Variants in ARID1B observed in about 807,000 individuals in gnomAD.
ARID1B encodes AT-rich interaction domain 1B, also known as AT-rich interactive domain-containing protein 1B.
ARID1B carries 30 observed loss-of-function variants against 212.3 expected under a neutral mutation model. That is an observed-to-expected ratio of 0.14 (90% CI 0.11 to 0.19). The LOEUF (loss-of-function observed/expected upper bound fraction) is 0.19, where lower values mean the gene tolerates loss of function less well. ARID1B is among the 10% of genes least tolerant of loss of function. The pLI, the probability that ARID1B is intolerant of heterozygous loss-of-function variation, is 1.00. For missense variants in ARID1B, 2,891 were observed against 3,204.0 expected, an observed-to-expected ratio of 0.90 and a Z score of 2.36; for synonymous variants, 1,402 against 1,301.7, an observed-to-expected ratio of 1.08 and a Z score of -1.66.
chr6:157,052,883 C>G (rs1436863770), intron 4 of ARID1B, among the ~76,000 whole-genome samples: 1 of 151,562 alleles, frequency 6.6e-6, no homozygotes, highest in Non-Finnish European at 1.5e-5. Flanking sequence ...CCATGCCCAA[C>G]TAATTTTTGT....
chr6:156,932,534 AGCTGT>A (rs1274360642), intron 3 of ARID1B, among the ~76,000 whole-genome samples: 1 of 152,222 alleles, frequency 6.6e-6, no homozygotes, highest in Non-Finnish European at 1.5e-5. Flanking sequence ...TAAAGTGTAA[AGCTGT>A]GCTTCTTTGT....
At chr6:156,978,785 C>G (rs1777421376) in intron 4 of ARID1B, among the ~76,000 whole-genome samples, 1 of 152,100 alleles carries the variant, frequency 6.6e-6, no homozygotes, top group Admixed American at 6.5e-5. Flanking sequence ...TTACCATAAA[C>G]TTTACTTTCC....
intron 4 of ARID1B, chr6:157,036,907 G>T (rs938973350): frequency 1.6e-5 from 8 of 493,582 alleles, no homozygotes; most frequent in African/African-American, 1.4e-4. Context: ...CATTGTGGAG[G>T]TTTTTGTCAG....
intron 4 of ARID1B, among the ~76,000 whole-genome samples, chr6:156,979,779 A>G (rs1777496921): frequency 6.6e-6 from 1 of 152,114 alleles, no homozygotes; most frequent in Non-Finnish European, 1.5e-5. Flanking sequence ...GATGATCTCT[A>G]TCTCTTGACC....
intron 2 of ARID1B, 133 bp downstream of exon 2, chr6:156,829,554 C>T (rs1782999198): frequency 9.6e-7 from 1 of 1,044,410 alleles, no homozygotes; most frequent in Non-Finnish European, 1.3e-6. Context: ...TTTATTGTTT[C>T]TTTAATCACA....
rs145601194 is a variant in ARID1B at position 156,864,582 on chromosome 6, C to T, written c.1986+35161C>T. Among the ~76,000 whole-genome samples, 507 of 152,326 alleles carry T rather than the reference C, an allele frequency of 3.3e-3. 4 individuals carry two copies. Among genetic ancestry groups the T allele is most frequent in the African/African-American group, 0.012 (484 of 41,566 alleles). On this transcript the variant is annotated intron_variant, in intron 2 of 19. Transcript: ENST00000636930. ...TGTCAGTAACAGTAGGTACTGCCCG[C>T]CTTAGCCCATGCCCACGTCCCCAGA...
At chr6:156,937,291 G>A (rs1193456382) in intron 4 of ARID1B, 1 of 152,182 alleles carries the variant, frequency 6.6e-6, no homozygotes, top group African/African-American at 2.4e-5. Flanking sequence ...ATTAGCTTTT[G>A]TGGTTCTATG....
chr6:157,043,344 C>T (rs993404927), intron 4 of ARID1B, among the ~76,000 whole-genome samples: 5 of 152,160 alleles, frequency 3.3e-5, no homozygotes, highest in African/African-American at 1.2e-4. Flanking sequence ...TATGATTTGT[C>T]TCGGCATGGG....
chr6:157,079,602 A>G (rs1466529969), intron 4 of ARID1B, among the ~76,000 whole-genome samples: 1 of 152,262 alleles, frequency 6.6e-6, no homozygotes, highest in Non-Finnish European at 1.5e-5. Context: ...AATTAGAAAC[A>G]GAGGGCTGAT....
At chr6:157,112,284 T>C (rs550122683) in intron 6 of ARID1B, among the ~76,000 whole-genome samples, 1 of 152,372 alleles carries the variant, frequency 6.6e-6, no homozygotes, top group Admixed American at 6.5e-5. Context: ...TGTTAACTCC[T>C]CATATGGCTC....
intron 4 of ARID1B, among the ~76,000 whole-genome samples, chr6:157,065,663 C>T (rs1303462675): frequency 6.6e-6 from 1 of 152,208 alleles, no homozygotes; most frequent in Non-Finnish European, 1.5e-5. Flanking sequence ...AGTTGGACTT[C>T]TTGCTTTTCT....
chr6:156,998,306 T>C (rs1289064490), intron 4 of ARID1B, among the ~76,000 whole-genome samples: 1 of 151,622 alleles, frequency 6.6e-6, no homozygotes, highest in Non-Finnish European at 1.5e-5. Flanking sequence ...CTGCAACCTC[T>C]GCCTCCCAGG....
chr6:156,790,001 A>G (rs1391007589), intron 1 of ARID1B, among the ~76,000 whole-genome samples: 1 of 152,262 alleles, frequency 6.6e-6, no homozygotes, highest in Non-Finnish European at 1.5e-5. Flanking sequence ...CAAGTTACTT[A>G]GCAGCCTATC....
At chr6:156,862,453 G>C (rs1163394172) in intron 2 of ARID1B, among the ~76,000 whole-genome samples, 1 of 152,152 alleles carries the variant, frequency 6.6e-6, no homozygotes, top group African/African-American at 2.4e-5. Context: ...TGGCGAAAGA[G>C]GGCACAGTGA....
At chr6:157,169,712 A>G (rs1791583350) in intron 9 of ARID1B, 2 of 152,348 alleles carry the variant, frequency 1.3e-5, no homozygotes, top group South Asian at 2.1e-4. Flanking sequence ...ATAAACCGTC[A>G]TCTTAAAGTG....
chr6:156,901,489 G>A lies in ARID1B; in HGVS notation c.2100G>A (p.Leu700=), dbSNP rs1263061912. 2.5e-6 allele frequency: 4 copies of A among 1,613,772 alleles called. No individual in the cohort carries two copies. The highest frequency in any genetic ancestry group is 2.2e-5 in the East Asian group (1 of 44,894). ...ACCTCCCACCCCAGGCGCAGTATCT[G>A]CCGTCCCAGTCCCAGCAGAGGTACC... is the stretch of plus-strand genomic sequence containing the variant. ...PPHLPPQAQY[L]PSQSQQRYQP... is the part of the protein sequence containing the mutation. The change falls in exon 3 of 20, where the codon CTG becomes CTA. Residue 700 remains leucine (L), a synonymous_variant. Transcript: ENST00000636930.
chr6:156,963,974 C>A (rs1794573169), intron 4 of ARID1B, among the ~76,000 whole-genome samples: 1 of 152,240 alleles, frequency 6.6e-6, no homozygotes, highest in Admixed American at 6.5e-5. Context: ...TGGAAAGGAG[C>A]TGATTAATCG....
chr6:157,135,557 A>G (rs1163710375), intron 7 of ARID1B, among the ~76,000 whole-genome samples: 1 of 152,074 alleles, frequency 6.6e-6, no homozygotes, highest in Non-Finnish European at 1.5e-5. Flanking sequence ...CCTCCAAGGC[A>G]TATGTGCTCC....
At chr6:157,113,475 A>G (rs970478717) in intron 6 of ARID1B, among the ~76,000 whole-genome samples, 4 of 152,244 alleles carry the variant, frequency 2.6e-5, no homozygotes, top group African/African-American at 9.6e-5. Flanking sequence ...ACTTCCAGTC[A>G]TGATGGAAGG....
Sources: gnomAD v4.1 joint callset for allele counts (sites outside exome capture counted in the v4.1 genomes callset) on GRCh38, gnomAD v4.1.1 for gene constraint, MANE v1.5 for transcripts, NCBI Gene and HGNC (gene_info 2026-07-23, HGNC 2026-07-21) for gene names.